The following UGGT2 variants were observed in gnomAD, a reference collection of about 807,000 sequenced individuals.
The protein encoded by UGGT2 is UDP-glucose:glycoprotein glucosyltransferase 2.
Under a neutral mutation model 192.1 loss-of-function variants are expected in UGGT2, and 180 were observed. That is an observed-to-expected ratio of 0.94 (90% confidence interval 0.83 to 1.06). The LOEUF (loss-of-function observed/expected upper bound fraction) is 1.06. UGGT2 is among the 50% of genes least tolerant of loss of function. The pLI, the probability that UGGT2 is intolerant of heterozygous loss-of-function variation, is 0.00. For missense variants in UGGT2, 1,849 were observed against 1,795.7 expected (o/e 1.03, Z -0.54); for synonymous variants, 580 against 591.0 (o/e 0.98, Z 0.27).
In UGGT2 at chr13:95,999,419, G is replaced by T; in HGVS notation, c.661-112C>A. On this transcript the variant is annotated intron_variant, in intron 5 of 38. Coordinates refer to ENST00000376747, the MANE Select transcript of UGGT2 (RefSeq NM_020121.4). Reference sequence around the variant, plus strand: ...TAAGGGTAAATTACTAATATTGAAGGTTTTTAATCACTCTGAAAAATTTGG... The same window carrying T: ...TAAGGGTAAATTACTAATATTGAAGTTTTTTAATCACTCTGAAAAATTTGG... 3.2e-6 allele frequency: 3 copies of T among 933,786 alleles called. No homozygotes were observed. The South Asian group carries it at 4.9e-5, about 15-fold the overall frequency. The allele number at this position is 933,786 out of a possible 1,614,324, so 57.8% of individuals were successfully genotyped here. A position where few individuals can be genotyped will look rare whatever the true frequency, so the allele number is the denominator to read the frequency against.
At position 95,937,019 on chromosome 13, in the gene UGGT2, A is replaced by G; in HGVS notation, c.1882T>C (p.Phe628Leu). ...LPQALYNGEP[F>L]KHEEMNIKEL... ...TTAATATTCATCTCTTCATGTTTAA[A>G]GGGTTCACCATTATAAAGAGCTTGA... Residue 628 changes from phenylalanine to leucine, a missense_variant, in exon 17 of 39, where the codon TTT (phenylalanine) becomes CTT (leucine). Phe to Leu is a conservative substitution (Grantham distance 22). Coordinates refer to ENST00000376747, the MANE Select transcript of UGGT2 (RefSeq NM_020121.4). 6.2e-7 allele frequency: 1 copy of G among 1,607,310 alleles called. No individual in the cohort carries two copies. The highest frequency in any genetic ancestry group is 8.5e-7 in the Non-Finnish European group (1 of 1,178,618).
chr13:95,985,974 A>G (rs2051277814), intron 9 of UGGT2, among the ~76,000 whole-genome samples: 1 of 152,076 alleles, frequency 6.6e-6, no homozygotes, highest in South Asian at 2.1e-4. Context: ...CCTCCTACTT[A>G]GAGTAATACT....
intron 17 of UGGT2, among the ~76,000 whole-genome samples, chr13:95,933,861 C>T (rs986002681): frequency 1.3e-5 from 2 of 151,762 alleles, no homozygotes; most frequent in Non-Finnish European, 2.9e-5. Flanking sequence ...TTTTTTTGTA[C>T]TTTTAGTAGA....
At chr13:95,873,715 T>C (rs1400734106) in intron 29 of UGGT2, among the ~76,000 whole-genome samples, 1 of 152,190 alleles carries the variant, frequency 6.6e-6, no homozygotes, top group Non-Finnish European at 1.5e-5. Flanking sequence ...TGTGGTGGTG[T>C]ATTAAATTTG....
chr13:95,855,881 A>G lies in UGGT2; in HGVS notation c.4008+277T>C, dbSNP rs570044560. Among the ~76,000 whole-genome samples, 29 of 152,348 alleles carry G rather than the reference A, an allele frequency of 1.9e-4. No homozygotes were observed. In the South Asian group the frequency reaches 3.1e-3, roughly 16 times the overall value. ...ATTAACTACTCTTATTATGACTAAT[A>G]TAAGTATTTGTTTTAGTTCTCAAAT... On this transcript the variant is annotated intron_variant, in intron 34 of 38. Coordinates refer to ENST00000376747, the MANE Select transcript of UGGT2 (RefSeq NM_020121.4).
intron 2 of UGGT2, among the ~76,000 whole-genome samples, chr13:96,027,550 C>T (rs913650395): frequency 7.2e-5 from 11 of 152,142 alleles, no homozygotes; most frequent in Non-Finnish European, 1.2e-4. Flanking sequence ...ATTCAAAAAT[C>T]ACTCTTATTA....
chr13:95,820,625 C>T (rs1275186759), intron 38 of UGGT2, among the ~76,000 whole-genome samples: 1 of 151,910 alleles, frequency 6.6e-6, no homozygotes, highest in Non-Finnish European at 1.5e-5. Flanking sequence ...ATTTCAATAG[C>T]TTTTGGGGTG....
chr13:96,022,697 T>C (rs1006600219), intron 4 of UGGT2, among the ~76,000 whole-genome samples: 1 of 152,004 alleles, frequency 6.6e-6, no homozygotes, highest in Admixed American at 6.5e-5. Context: ...AGCAACCTCA[T>C]CTATTGTTTT....
intron 17 of UGGT2, among the ~76,000 whole-genome samples, chr13:95,935,800 C>T (rs1158841628): frequency 6.6e-6 from 1 of 152,146 alleles, no homozygotes; most frequent in African/African-American, 2.4e-5. Flanking sequence ...TAACATAATC[C>T]CGTATTTCTT....
chr13:95,902,906 TC>T lies in UGGT2; in HGVS notation c.2449del (p.Glu817LysfsTer34). On this transcript the variant is annotated frameshift_variant, in exon 21 of 39. Transcript: ENST00000376747. LOFTEE classifies it high-confidence loss of function. ...RSFLGQLAKE[E>X]IATAIYSGDK... The stretch of plus-strand genomic sequence containing the variant: ...TCCAGAGTAAATAGCTGTAGCAATT[TC>T]TTCCTTTGCCAGTTGCCCAAGAAAG... The T allele has an allele frequency of 1.9e-6, 3 of 1,613,560 alleles. No homozygotes were observed. In the South Asian group the frequency reaches 3.3e-5, roughly 18 times the overall value.
At chr13:95,838,908 T>A (rs751175616) in intron 36 of UGGT2, among the ~76,000 whole-genome samples, 36 of 152,158 alleles carry the variant, frequency 2.4e-4, no homozygotes, top group Non-Finnish European at 1.2e-4. Flanking sequence ...AGTACTCAGA[T>A]ATCAATATCC....
chr13:95,860,740 C>T (rs1439532488), intron 32 of UGGT2, 48 bp downstream of exon 32: 3 of 1,207,828 alleles, frequency 2.5e-6, no homozygotes, highest in Non-Finnish European at 3.3e-6. Context: ...AAATTTGAAC[C>T]ATGTAAATAT....
intron 17 of UGGT2, among the ~76,000 whole-genome samples, chr13:95,929,862 C>T: frequency 6.6e-6 from 1 of 152,300 alleles, no homozygotes; most frequent in East Asian, 1.9e-4. Context: ...CATCTACAAA[C>T]TGCTTTCCAA....
chr13:95,923,839 A>T (rs1013470595), intron 20 of UGGT2, among the ~76,000 whole-genome samples: 1 of 152,216 alleles, frequency 6.6e-6, no homozygotes, highest in African/African-American at 2.4e-5. Context: ...GAAAGGAAAT[A>T]CACCTAAACA....
At chr13:95,986,532 A>G (rs1357573961) in intron 8 of UGGT2, 100 bp from the exon 9 acceptor site, 6 of 821,008 alleles carry the variant, frequency 7.3e-6, no homozygotes, top group Admixed American at 2.9e-5. Context: ...CTTGCCAAGT[A>G]TTAGTATACA....
intron 9 of UGGT2, among the ~76,000 whole-genome samples, chr13:95,985,863 G>T (rs2051274239): frequency 1.3e-5 from 2 of 151,918 alleles, no homozygotes. Context: ...CATCCTCTTG[G>T]CAAAAAAGTA....
chr13:95,894,726 G>A (rs1231999855), intron 23 of UGGT2, 69 bp from the exon 24 acceptor site: 26 of 1,317,314 alleles, frequency 2.0e-5, no homozygotes, highest in Non-Finnish European at 2.7e-5. Flanking sequence ...TACAATTAAT[G>A]CTTCAAGAAA....
At chr13:95,856,512 C>T in intron 33 of UGGT2, 172 bp from the exon 34 acceptor site, 1 of 582,278 alleles carries the variant, frequency 1.7e-6, no homozygotes, top group South Asian at 2.5e-5. Context: ...TATTAAAATG[C>T]TAACAAATAT....
intron 36 of UGGT2, among the ~76,000 whole-genome samples, chr13:95,839,774 T>C (rs1386827578): frequency 1.3e-5 from 2 of 152,186 alleles, no homozygotes; most frequent in Non-Finnish European, 2.9e-5. Context: ...GGTTCCATTT[T>C]CTCCATATCC....
Sources: allele counts gnomAD v4.1 joint callset (sites outside exome capture counted in the v4.1 genomes callset), GRCh38; gene constraint gnomAD v4.1.1; transcripts MANE v1.5; gene names NCBI Gene and HGNC (gene_info 2026-07-23, HGNC 2026-07-21).